RDH11: variants seen among roughly 807,000 people sequenced by gnomAD.
The protein encoded by RDH11 is HCV core-binding protein HCBP12.
A neutral mutation model predicts 33.4 loss-of-function variants in RDH11; 19 were observed. That is an observed-to-expected ratio of 0.57 (90% confidence interval 0.40 to 0.83). RDH11 has a LOEUF of 0.83. Ranked by LOEUF, RDH11 falls within the 40% of genes least tolerant of loss-of-function variation. The probability of loss-of-function intolerance (pLI) is 0.00; values close to 1 mark genes in which losing one functional copy is unlikely to be tolerated. For synonymous variants in RDH11, 154 were observed against 155.3 expected (o/e 0.99, Z 0.06); for missense variants, 353 against 389.0 (o/e 0.91, Z 0.78).
intron 1 of RDH11, among the ~76,000 whole-genome samples, chr14:67,693,343 C>T (rs1299496888): frequency 6.6e-6 from 1 of 152,202 alleles, no homozygotes. Flanking sequence ...TTGGTTTGAG[C>T]TCTCTAAGGC....
At chr14:67,691,078 C>T in intron 4 of RDH11, 62 bp downstream of exon 4, 1 of 1,077,680 alleles carries the variant, frequency 9.3e-7, no homozygotes, top group Non-Finnish European at 1.4e-6. Flanking sequence ...CAATCTGACC[C>T]CTAAGTTTCC....
chr14:67,686,339 TAA>T (rs2140067543), intron 5 of RDH11: 1 of 152,192 alleles, frequency 6.6e-6, no homozygotes, highest in East Asian at 1.9e-4. Context: ...TTAAAGGTCT[TAA>T]AAGAGTGCCT....
intron 1 of RDH11, 49 bp from the exon 2 acceptor site, chr14:67,693,101 G>T: frequency 1.5e-6 from 2 of 1,335,608 alleles, no homozygotes; most frequent in Non-Finnish European, 2.1e-6. Flanking sequence ...TACTGTCTCA[G>T]CCAGTAGGTT....
chr14:67,690,243 G>T lies in RDH11; in HGVS notation c.633C>A (p.Leu211=), dbSNP rs111880133. The part of the protein sequence containing the change: ...AYCHSKLANI[L]FTQELARRLK... ...GTCTCCGGGCCAGTTCCTGGGTGAA[G>T]AGGATGTTGGCTAGCTTGCTGTGAC... The change falls in exon 5 of 7, where the codon CTC becomes CTA. Residue 211 remains leucine, a synonymous_variant. Coordinates refer to ENST00000381346, the MANE Select transcript of RDH11 (RefSeq NM_016026.4). 1.1e-5 allele frequency: 17 copies of T among 1,613,892 alleles called. No individual in the cohort carries two copies. Among genetic ancestry groups the T allele is most frequent in the African/African-American group, 8.0e-5 (6 of 75,050 alleles).
At position 67,680,919 on chromosome 14, in the gene RDH11, C is replaced by T. The variant is rs565785845; in HGVS notation, c.855-2496G>A. On this transcript the variant is annotated intron_variant, in intron 6 of 6. Transcript: ENST00000381346. ...AGATAGTGTGATACTGGCATAAGGA[C>T]AGACATACAAATGAACGGAACAGAA... Among the ~76,000 whole-genome samples, 391 of 152,324 alleles carry T rather than the reference C, an allele frequency of 2.6e-3. 2 individuals are homozygous for T. Among genetic ancestry groups the T allele is most frequent in the Non-Finnish European group, 3.0e-3 (207 of 68,040 alleles).
At chr14:67,692,205 T>C in intron 3 of RDH11, 1 of 472,524 alleles carries the variant, frequency 2.1e-6, no homozygotes, top group Non-Finnish European at 3.7e-6. Flanking sequence ...ATGAGATTTC[T>C]GGCTTCAGCT....
intron 6 of RDH11, among the ~76,000 whole-genome samples, chr14:67,679,407 T>TG (rs1286068371): frequency 6.6e-6 from 1 of 151,070 alleles, no homozygotes; most frequent in Non-Finnish European, 1.5e-5. Flanking sequence ...ATTCCAAGTT[T>TG]TTTTTTTTTT....
intron 6 of RDH11, among the ~76,000 whole-genome samples, chr14:67,680,581 C>T (rs765770909): frequency 2.0e-5 from 3 of 152,134 alleles, no homozygotes; most frequent in Non-Finnish European, 4.4e-5. Context: ...ATCTCAGCCT[C>T]CCAAGTAGCC....
At chr14:67,690,850 C>G in intron 4 of RDH11, 2 of 412,958 alleles carry the variant, frequency 4.8e-6, no homozygotes, top group South Asian at 6.6e-5. Flanking sequence ...ATACCTGATG[C>G]TGGCCACAAG....
In RDH11 at chr14:67,678,388, C is replaced by T. The variant is rs369553967; in HGVS notation, c.890G>A (p.Arg297His). The T allele has an allele frequency of 4.3e-6, 7 of 1,613,836 alleles. No individual in the cohort carries two copies. The highest frequency in any genetic ancestry group is 2.2e-5 in the East Asian group (1 of 44,888). The change falls in exon 7 of 7, where the codon CGT becomes CAT. Residue 297 changes from arginine (R) to histidine (H), a missense_variant. By Grantham distance (29) the Arg-to-His change is conservative (BLOSUM62 0). Coordinates refer to ENST00000381346, the MANE Select transcript of RDH11 (RefSeq NM_016026.4). ...CHVAWVSAQA[R>H]NETIARRLWD... The stretch of plus-strand genomic sequence containing the variant: ...CAGCCGCCTTGCTATAGTCTCATTA[C>T]GAGCTTGGGCAGAGACCCATGCCAC...
intron 3 of RDH11, 139 bp downstream of exon 3, chr14:67,692,299 G>A: frequency 2.4e-6 from 2 of 816,940 alleles, no homozygotes; most frequent in South Asian, 3.4e-5. Context: ...GTGTCCCAGT[G>A]ACTATGAGTT....
chr14:67,695,440 G>A (rs895220946), intron 1 of RDH11, among the ~76,000 whole-genome samples, 190 bp downstream of exon 1: 3 of 152,218 alleles, frequency 2.0e-5, no homozygotes, highest in Non-Finnish European at 4.4e-5. Flanking sequence ...CTTTCTCACC[G>A]CCTGGGGTCT....
chr14:67,683,706 G>T (rs1463659174), intron 6 of RDH11, among the ~76,000 whole-genome samples: 1 of 152,154 alleles, frequency 6.6e-6, no homozygotes, highest in East Asian at 1.9e-4. Context: ...AAAGATAGCT[G>T]GCATTCGCTC....
At chr14:67,685,870 C>A (rs149663829) in intron 5 of RDH11, among the ~76,000 whole-genome samples, 3,832 of 152,154 alleles carry the variant, frequency 0.025, 62 homozygotes, top group Admixed American at 0.032. Flanking sequence ...CCCACCTCGG[C>A]CTCCCAAAGT....
intron 5 of RDH11, 71 bp downstream of exon 5, chr14:67,690,141 G>T (rs907043751): frequency 2.9e-5 from 41 of 1,403,852 alleles, no homozygotes; most frequent in Middle Eastern, 2.5e-4. Context: ...TCTGGAAACA[G>T]TTTCCATTCC....
chr14:67,684,991 T>C (rs953536001), intron 6 of RDH11, 24 bp downstream of exon 6: 1 of 1,578,168 alleles, frequency 6.3e-7, no homozygotes, highest in Non-Finnish European at 8.6e-7. Flanking sequence ...AAATCTCATC[T>C]GCAAAAAGAG....
chr14:67,690,855 CA>C (rs1202234115), intron 4 of RDH11: 1 of 419,270 alleles, frequency 2.4e-6, no homozygotes, highest in African/African-American at 2.0e-5. Context: ...TGATGCTGGC[CA>C]CAAGGATCAC....
intron 6 of RDH11, among the ~76,000 whole-genome samples, chr14:67,684,222 C>T (rs931203986): frequency 1.3e-5 from 2 of 152,220 alleles, no homozygotes; most frequent in South Asian, 2.1e-4. Flanking sequence ...GTCTGCCTTT[C>T]TTTCCAATCT....
At chr14:67,691,310 C>G in intron 3 of RDH11, 66 bp from the exon 4 acceptor site, 2 of 1,069,478 alleles carry the variant, frequency 1.9e-6, no homozygotes, top group Middle Eastern at 2.0e-4. Context: ...AGAAAGCTGC[C>G]TCACGCTCAG....
Sources: allele counts gnomAD v4.1 joint callset (sites outside exome capture counted in the v4.1 genomes callset), GRCh38; gene constraint gnomAD v4.1.1; transcripts MANE v1.5; gene names NCBI Gene and HGNC (gene_info 2026-07-23, HGNC 2026-07-21).